The following NBPF3 variants were observed in gnomAD, a reference collection of about 807,000 sequenced individuals.
The protein encoded by NBPF3 is NBPF member 3, also known as NBPF family member NBPF3.
Under a neutral mutation model 78.1 loss-of-function variants are expected in NBPF3, and 57 were observed. The ratio of observed to expected loss-of-function variants is 0.73; its 90% CI spans 0.59 to 0.91. The LOEUF is 0.91. Ranked by LOEUF, NBPF3 falls within the 40% of genes least tolerant of loss-of-function variation. The probability of loss-of-function intolerance (pLI) is 0.00; values close to 1 mark genes in which losing one functional copy is unlikely to be tolerated. For missense variants in NBPF3, 510 were observed against 715.3 expected (o/e 0.71, Z 3.27); for synonymous variants, 182 against 271.7 (o/e 0.67, Z 3.25).
chr1:21,454,119 T>C (rs529841740), intron 2 of NBPF3: 1 of 152,348 alleles, frequency 6.6e-6, no homozygotes, highest in South Asian at 2.1e-4. Flanking sequence ...ACATTTCCCC[T>C]GGATCTGCAC....
Position 21,471,622 on chromosome 1 carries a change from A to T in NBPF3, c.500A>T (p.Glu167Val). 1 of 1,612,536 alleles carries T rather than the reference A, an allele frequency of 6.2e-7. No individual in the cohort carries two copies. Among genetic ancestry groups the T allele is most frequent in the Non-Finnish European group, 8.5e-7 (1 of 1,179,820 alleles). ...GAACGAGAGCTGACCCAGTTAAGGGAGAAGTTACAGGAAGGGAGAGATGCC... is the reference window on the plus strand; with the variant it reads ...GAACGAGAGCTGACCCAGTTAAGGGTGAAGTTACAGGAAGGGAGAGATGCC... ...SQERELTQLR[E>V]KLQEGRDASR... The change falls in exon 5 of 15, where the codon GAG (glutamate) becomes GTG (valine). Residue 167 changes from glutamate to valine, a missense_variant. Coordinates refer to ENST00000318249, the MANE Select transcript of NBPF3 (RefSeq NM_032264.6).
At chr1:21,461,983 GTTCCTGTAGGAGCTGGTTA>G (rs1476935905) in intron 2 of NBPF3, among the ~76,000 whole-genome samples, 3 of 152,082 alleles carry the variant, frequency 2.0e-5, no homozygotes, top group African/African-American at 7.2e-5. Flanking sequence ...CACTCTCTTA[GTTCCTGTAGGAGCTGGTTA>G]TTAAAAAGTG....
chr1:21,463,252 C>T (rs563385614), intron 2 of NBPF3, among the ~76,000 whole-genome samples: 1 of 152,242 alleles, frequency 6.6e-6, no homozygotes, highest in African/African-American at 2.4e-5. Context: ...AGAGAGGTCT[C>T]GACTTCAACT....
At chr1:21,437,592 C>T (rs1195863026), upstream of NBPF3, 1 of 669,264 alleles carries the variant, frequency 1.5e-6, no homozygotes. Context: ...GGGCATAACA[C>T]CAGTCGAGCC....
At position 21,478,233 on chromosome 1, in the gene NBPF3, C is replaced by T. The variant is rs1333698947; in HGVS notation, c.1082C>T (p.Ala361Val). Reference protein sequence around the residue: ...WTLSIPPDMSASYQSDRSTFH... With the variant: ...WTLSIPPDMSVSYQSDRSTFH... ...CTCTCAATTCCTCCTGACATGTCTG[C>T]CTCATACCAGTCTGACAGGAGCACC... Residue 361 changes from alanine (A) to valine (V), a missense_variant, in exon 9 of 15, where the codon GCC (alanine) becomes GTC (valine). Ala to Val is a moderately conservative substitution (Grantham distance 64, BLOSUM62 0). Transcript: ENST00000318249. 6.2e-7 allele frequency: 1 copy of T among 1,614,170 alleles called. No homozygotes were observed. Among genetic ancestry groups the T allele is most frequent in the East Asian group, 2.2e-5 (1 of 44,878 alleles).
At position 21,471,584 on chromosome 1, in the gene NBPF3, G is replaced by C; in HGVS notation, c.462G>C (p.Leu154=). 1 of 1,611,888 alleles carries C rather than the reference G, an allele frequency of 6.2e-7. No individual in the cohort carries two copies. Among genetic ancestry groups the C allele is most frequent in the Non-Finnish European group, 8.5e-7 (1 of 1,179,786 alleles). ...CTCACCTTAGGCAATATAAAGTCCTGGTTCACTCTCAGGAACGAGAGCTGA... is the reference window on the plus strand; with the variant it reads ...CTCACCTTAGGCAATATAAAGTCCTCGTTCACTCTCAGGAACGAGAGCTGA... ...QAEELRQYKV[L]VHSQERELTQ... Residue 154 remains leucine, a synonymous_variant, in exon 5 of 15, where the codon CTG becomes CTC. Coordinates refer to ENST00000318249, the MANE Select transcript of NBPF3 (RefSeq NM_032264.6).
At chr1:21,462,434 T>A (rs995094676) in intron 2 of NBPF3, among the ~76,000 whole-genome samples, 3 of 152,044 alleles carry the variant, frequency 2.0e-5, no homozygotes, top group African/African-American at 7.3e-5. Context: ...TCTATGCAAA[T>A]TTTACCTCAG....
rs1640549704 is a variant in NBPF3 at position 21,440,350 on chromosome 1, T to G, written c.-140+2T>G. 6.7e-6 allele frequency: 1 copy of G among 149,194 alleles called. No homozygotes were observed. The highest frequency in any genetic ancestry group is 2.1e-4 in the South Asian group (1 of 4,772). The allele number at this position is 149,194 out of a possible 1,614,324, so 9.2% of individuals were successfully genotyped here. A position where few individuals can be genotyped will look rare whatever the true frequency, so the allele number is the denominator to read the frequency against. On this transcript the variant is annotated splice_donor_variant, in intron 1 of 14. Coordinates refer to ENST00000318249, the MANE Select transcript of NBPF3 (RefSeq NM_032264.6). LOFTEE classifies it low-confidence loss of function (5UTR_SPLICE). ...CGAAGTCCACCCAGCGTTTCTCAGG[T>G]GAGGGCGCCGCGCCAGGCTGGACGG...
chr1:21,441,172 A>G (rs1205300780), intron 1 of NBPF3, among the ~76,000 whole-genome samples: 2 of 152,230 alleles, frequency 1.3e-5, no homozygotes, highest in African/African-American at 2.4e-5. Flanking sequence ...TTTCTTTGCC[A>G]AAGGAATGAA....
At chr1:21,477,452 G>A (rs1279363930) in intron 8 of NBPF3, among the ~76,000 whole-genome samples, 2 of 152,134 alleles carry the variant, frequency 1.3e-5, no homozygotes, top group Non-Finnish European at 2.9e-5. Flanking sequence ...CCTACAGATG[G>A]GGTTTTGGTG....
intron 2 of NBPF3, 60 bp downstream of exon 2, chr1:21,445,279 C>G (rs191980204): frequency 1.3e-6 from 2 of 1,568,570 alleles, no homozygotes; most frequent in South Asian, 2.3e-5. Context: ...TCTATTATAA[C>G]TCAGATGTGA....
At chr1:21,441,725 AGTAAT>A (rs201651419) in intron 1 of NBPF3, among the ~76,000 whole-genome samples, 5,064 of 150,902 alleles carry the variant, frequency 0.034, 152 homozygotes, top group Non-Finnish European at 0.052. Context: ...AAAAAAAAAA[AGTAAT>A]GAATTTTGAC....
At chr1:21,444,376 A>G (rs1285913541) in intron 1 of NBPF3, among the ~76,000 whole-genome samples, 5 of 152,244 alleles carry the variant, frequency 3.3e-5, no homozygotes, top group Admixed American at 2.0e-4. Context: ...CATATACAAT[A>G]TATGTGTACA....
In NBPF3 at chr1:21,483,513, T is replaced by C. The variant is rs1643338104; in HGVS notation, c.*127T>C. On this transcript the variant is annotated 3_prime_UTR_variant, in exon 15 of 15. Transcript: ENST00000318249. ...GGATGGGAAAGTGGGCATGGCTCTA[T>C]TCCTATTCTCAGACCATGCCAGTGG... 5 of 359,690 alleles carry C rather than the reference T, an allele frequency of 1.4e-5. No homozygotes were observed. Among genetic ancestry groups the C allele is most frequent in the East Asian group, 5.6e-5 (1 of 17,954 alleles). 22.3% of individuals were successfully genotyped at this position (359,690 alleles called of 1,614,324 possible).
At chr1:21,441,655 C>T (rs1640654887) in intron 1 of NBPF3, among the ~76,000 whole-genome samples, 2 of 146,840 alleles carry the variant, frequency 1.4e-5, no homozygotes, top group African/African-American at 5.1e-5. Context: ...TGCAGTGAGC[C>T]GTGATCATGG....
chr1:21,472,889 G>T lies in NBPF3; in HGVS notation c.708G>T (p.Glu236Asp), dbSNP rs758574735. 6.2e-7 allele frequency: 1 copy of T among 1,612,486 alleles called. No homozygotes were observed. Among genetic ancestry groups the T allele is most frequent in the African/African-American group, 1.3e-5 (1 of 74,892 alleles). Residue 236 changes from glutamate (E) to aspartate (D), a missense_variant, in exon 6 of 15, where the codon GAG becomes GAT. This residue lies in a region of NBPF3 where 440 missense variants were observed against 478.2 expected (regional missense o/e 0.92). Coordinates refer to ENST00000318249, the MANE Select transcript of NBPF3 (RefSeq NM_032264.6). ...AAGATGTTAAAGTTGAGGAGGCTGA[G>T]AAAGTACAGGAATTATATGCCCCCA... ...EDEDVKVEEA[E>D]KVQELYAPRE... is the part of the protein sequence containing the mutation.
chr1:21,451,968 C>A, intron 2 of NBPF3: 1 of 346,338 alleles, frequency 2.9e-6, no homozygotes, highest in Non-Finnish European at 4.1e-6. Flanking sequence ...TTTTCCAGGG[C>A]AGAGATGGGT....
rs1365628356 is a variant in NBPF3, at chr1:21,460,597, A to G, written c.134-8091A>G. ...TTGTGGTTTTAAAAAGTTAATATTAACCACTCTTCATCATACACTGAAATT... is the reference window on the plus strand; with the variant it reads ...TTGTGGTTTTAAAAAGTTAATATTAGCCACTCTTCATCATACACTGAAATT... On this transcript the variant is annotated intron_variant, in intron 2 of 14. Coordinates refer to ENST00000318249, the MANE Select transcript of NBPF3 (RefSeq NM_032264.6). The surrounding 1 kb of genome is among the most constrained non-coding windows in gnomAD (Gnocchi z 4.2). 6.6e-6 allele frequency among the ~76,000 whole-genome samples: 1 copy of G among 152,228 alleles called. No homozygotes were observed. The highest frequency in any genetic ancestry group is 1.9e-4 in the East Asian group (1 of 5,206).
intron 2 of NBPF3, among the ~76,000 whole-genome samples, chr1:21,456,623 G>C (rs1416868846): frequency 6.8e-6 from 1 of 146,188 alleles, no homozygotes; most frequent in Non-Finnish European, 1.6e-5. Flanking sequence ...GTCATACACA[G>C]TAAAAGCATT....
Sources: gnomAD v4.1 joint callset for allele counts (sites outside exome capture counted in the v4.1 genomes callset) on GRCh38, gnomAD v4.1.1 for gene constraint, gnomAD v4.1.1 regional missense constraint, Gnocchi (gnomAD v3.1) non-coding constraint, MANE v1.5 for transcripts, NCBI Gene and HGNC (gene_info 2026-07-23, HGNC 2026-07-21) for gene names.